The following CACNA2D3 variants were observed in gnomAD, a reference collection of about 807,000 sequenced individuals.
CACNA2D3 encodes the protein voltage-dependent calcium channel subunit alpha-2/delta-3.
CACNA2D3 carries 60 observed loss-of-function variants against 160.6 expected under a neutral mutation model. The ratio of observed to expected loss-of-function variants is 0.37; its 90% confidence interval spans 0.30 to 0.46. The LOEUF (loss-of-function observed/expected upper bound fraction) is 0.46, where lower values mean the gene tolerates loss of function less well. Among genes scored for constraint, CACNA2D3 ranks in the 20% least tolerant of loss-of-function variants. The pLI, the probability that CACNA2D3 is intolerant of heterozygous loss-of-function variation, is 1.00. For missense variants in CACNA2D3, 1,205 were observed against 1,365.0 expected (o/e 0.88, Z 1.85); for synonymous variants, 558 against 492.9 (o/e 1.13, Z -1.75).
chr3:54,465,589 T>G (rs1484508250), intron 4 of CACNA2D3, among the ~76,000 whole-genome samples: 1 of 152,070 alleles, frequency 6.6e-6, no homozygotes, highest in African/African-American at 2.4e-5. Flanking sequence ...TTCTGGGAGG[T>G]AAACTGCTCA....
At position 54,972,937 on chromosome 3, in the gene CACNA2D3, G is replaced by C. The variant is rs529944340; in HGVS notation, c.2556+3093G>C. 3.9e-5 allele frequency among the ~76,000 whole-genome samples: 6 copies of C among 152,212 alleles called. 1 individual carries two copies. Among genetic ancestry groups the C allele is most frequent in the African/African-American group, 1.4e-4 (6 of 41,530 alleles). ...GGCACCTGGTGCCTGGCTGAGCACG[G>C]GGCAGTCAATGGGAAGCAGTCAGAA... On this transcript the variant is annotated intron_variant, in intron 29 of 37. Coordinates refer to ENST00000474759, the MANE Select transcript of CACNA2D3 (RefSeq NM_018398.3).
At chr3:54,124,996 C>T (rs1004654679) in intron 2 of CACNA2D3, among the ~76,000 whole-genome samples, 1 of 152,200 alleles carries the variant, frequency 6.6e-6, no homozygotes, top group Non-Finnish European at 1.5e-5. Context: ...ATTTTGCCCA[C>T]TTGTCAGATG....
At chr3:54,393,136 A>T (rs180774738) in intron 4 of CACNA2D3, among the ~76,000 whole-genome samples, 1 of 152,308 alleles carries the variant, frequency 6.6e-6, no homozygotes, top group African/African-American at 2.4e-5. Context: ...CCCATCCCCA[A>T]GGTGGGGTCA....
chr3:54,822,799 CTTTCTTTCTTT>C (rs1703657500), intron 14 of CACNA2D3, among the ~76,000 whole-genome samples: 2 of 53,256 alleles, frequency 3.8e-5, no homozygotes, highest in South Asian at 5.4e-4. Flanking sequence ...TCCTTTCTTT[CTTTCTTTCTTT>C]CTTTCTTTCT....
intron 11 of CACNA2D3, among the ~76,000 whole-genome samples, chr3:54,653,161 C>T (rs529277463): frequency 6.6e-6 from 1 of 152,224 alleles, no homozygotes; most frequent in Non-Finnish European, 1.5e-5. Context: ...GGGAATTGTC[C>T]TAGGAGACAT....
chr3:54,142,533 C>T (rs564841694), intron 2 of CACNA2D3, among the ~76,000 whole-genome samples: 9 of 152,216 alleles, frequency 5.9e-5, no homozygotes, highest in East Asian at 1.9e-4. Flanking sequence ...ACAAGTGTTT[C>T]GAGGCCCTTT....
At chr3:54,347,274 A>G (rs1236363475) in intron 3 of CACNA2D3, among the ~76,000 whole-genome samples, 1 of 152,246 alleles carries the variant, frequency 6.6e-6, no homozygotes, top group African/African-American at 2.4e-5. Flanking sequence ...GAAAGCTATG[A>G]TTAAACCTCC....
chr3:54,807,740 A>G (rs1455832734), intron 13 of CACNA2D3, among the ~76,000 whole-genome samples: 1 of 152,072 alleles, frequency 6.6e-6, no homozygotes, highest in Non-Finnish European at 1.5e-5. Flanking sequence ...ATGCTGCTAT[A>G]AAGACACATG....
intron 14 of CACNA2D3, among the ~76,000 whole-genome samples, chr3:54,817,125 A>G (rs1703475589): frequency 6.6e-6 from 1 of 152,168 alleles, no homozygotes; most frequent in Non-Finnish European, 1.5e-5. Flanking sequence ...CTGTTTCTCT[A>G]AGAATTATCA....
intron 25 of CACNA2D3, among the ~76,000 whole-genome samples, chr3:54,893,779 A>G (rs561878659): frequency 1.5e-5 from 2 of 137,804 alleles, no homozygotes; most frequent in South Asian, 4.5e-4. Flanking sequence ...CACCCCCAAT[A>G]GTTATAATAC....
intron 6 of CACNA2D3, among the ~76,000 whole-genome samples, chr3:54,567,248 C>T (rs1347195889): frequency 4.6e-5 from 7 of 152,192 alleles, no homozygotes; most frequent in Non-Finnish European, 1.0e-4. Context: ...GCTTGACTCA[C>T]ATTAGAAGCC....
intron 13 of CACNA2D3, among the ~76,000 whole-genome samples, chr3:54,805,428 A>G (rs930519587): frequency 2.0e-5 from 3 of 152,208 alleles, no homozygotes; most frequent in South Asian, 2.1e-4. Flanking sequence ...AAACACCTCT[A>G]TGCAAATAAA....
intron 2 of CACNA2D3, among the ~76,000 whole-genome samples, chr3:54,228,203 A>T (rs1388467766): frequency 6.6e-6 from 1 of 152,250 alleles, no homozygotes; most frequent in Non-Finnish European, 1.5e-5. Context: ...GATTTTATAG[A>T]TGAGAAAACT....
At chr3:54,324,487 A>G (rs1704078715) in intron 3 of CACNA2D3, among the ~76,000 whole-genome samples, 1 of 152,186 alleles carries the variant, frequency 6.6e-6, no homozygotes, top group Non-Finnish European at 1.5e-5. Context: ...TTCCATTAAC[A>G]TAATGGTGCC....
At chr3:54,614,888 T>G (rs1057354889) in intron 9 of CACNA2D3, among the ~76,000 whole-genome samples, 1 of 152,128 alleles carries the variant, frequency 6.6e-6, no homozygotes, top group African/African-American at 2.4e-5. Context: ...CATCAACATT[T>G]GGAAACATAT....
chr3:54,280,060 GTTTGTTTGTTTATTTA>G (rs1237749733), intron 2 of CACNA2D3, among the ~76,000 whole-genome samples: 5 of 148,758 alleles, frequency 3.4e-5, no homozygotes, highest in East Asian at 2.0e-4. Flanking sequence ...TTGTTTGTTT[GTTTGTTTGTTTATTTA>G]TTTATTTATT....
intron 11 of CACNA2D3, among the ~76,000 whole-genome samples, chr3:54,664,225 T>A (rs925591648): frequency 2.6e-5 from 4 of 152,220 alleles, no homozygotes; most frequent in Admixed American, 2.6e-4. Flanking sequence ...GAGCATAACC[T>A]GCCCTGCACA....
intron 2 of CACNA2D3, among the ~76,000 whole-genome samples, chr3:54,173,328 A>G (rs556570821): frequency 6.6e-6 from 1 of 152,172 alleles, no homozygotes; most frequent in Non-Finnish European, 1.5e-5. Flanking sequence ...AGTGCACATT[A>G]TTACCTTGTA....
At chr3:54,247,910 C>T (rs1370047352) in intron 2 of CACNA2D3, among the ~76,000 whole-genome samples, 1 of 152,144 alleles carries the variant, frequency 6.6e-6, no homozygotes, top group African/African-American at 2.4e-5. Context: ...AGTGGATGCT[C>T]AAACTACTGA....
Sources: allele counts gnomAD v4.1 joint callset (sites outside exome capture counted in the v4.1 genomes callset), GRCh38; gene constraint gnomAD v4.1.1; transcripts MANE v1.5; gene names NCBI Gene and HGNC (gene_info 2026-07-23, HGNC 2026-07-21).